Variants in PTPRD observed in about 807,000 individuals in gnomAD.
The protein encoded by PTPRD is receptor-type tyrosine-protein phosphatase delta.
A neutral mutation model predicts 214.5 loss-of-function variants in PTPRD; 34 were observed. The ratio of observed to expected loss-of-function variants is 0.16; its 90% CI spans 0.12 to 0.21. The LOEUF (loss-of-function observed/expected upper bound fraction) is 0.21, where lower values mean the gene tolerates loss of function less well. Ranked by LOEUF, PTPRD falls within the 10% of genes least tolerant of loss-of-function variation. The pLI, the probability that PTPRD is intolerant of heterozygous loss-of-function variation, is 1.00. For synonymous variants in PTPRD, 1,128 were observed against 845.7 expected, an observed-to-expected ratio of 1.33 and a Z score of -5.79; for missense variants, 2,545 against 2,398.7, an observed-to-expected ratio of 1.06 and a Z score of -1.27.
chr9:9,935,685 C>G (rs1437359834), intron 5 of PTPRD, among the ~76,000 whole-genome samples: 2 of 147,706 alleles, frequency 1.4e-5, no homozygotes, highest in Non-Finnish European at 2.9e-5. Context: ...CCATCCCCAT[C>G]AAGCTACCAA....
chr9:9,437,720 A>T (rs1479296457), intron 8 of PTPRD, among the ~76,000 whole-genome samples: 1 of 152,142 alleles, frequency 6.6e-6, no homozygotes, highest in Non-Finnish European at 1.5e-5. Flanking sequence ...ATGGTGGTAT[A>T]TCTAGAGCAG....
intron 35 of PTPRD, among the ~76,000 whole-genome samples, chr9:8,414,194 T>C (rs2093727325): frequency 6.6e-6 from 1 of 151,220 alleles, no homozygotes; most frequent in Non-Finnish European, 1.5e-5. Flanking sequence ...AGACCAGAGA[T>C]ATAAAAAAAA....
intron 3 of PTPRD, among the ~76,000 whole-genome samples, chr9:10,190,313 T>C (rs1438977668): frequency 2.1e-5 from 3 of 141,314 alleles, no homozygotes; most frequent in Non-Finnish European, 4.5e-5. Flanking sequence ...TGCAGTGAAT[T>C]GAGATCCAAG....
At chr9:9,251,744 A>G (rs1239130016) in intron 9 of PTPRD, among the ~76,000 whole-genome samples, 1 of 152,122 alleles carries the variant, frequency 6.6e-6, no homozygotes, top group Non-Finnish European at 1.5e-5. Flanking sequence ...CATTTGAAAG[A>G]AGCCAAAAGT....
In PTPRD at chr9:9,058,442, G is replaced by GTTTTTTTTTTTTTTTTTTTTTTTTTTT. The variant is rs777910266; in HGVS notation, c.-142-39708_-142-39707insAAAAAAAAAAAAAAAAAAAAAAAAAAA. Among the ~76,000 whole-genome samples the GTTTTTTTTTTTTTTTTTTTTTTTTTTT allele has an allele frequency of 5.7e-5, 4 of 69,900 alleles. 1 individual carries two copies. Among genetic ancestry groups the GTTTTTTTTTTTTTTTTTTTTTTTTTTT allele is most frequent in the Non-Finnish European group, 1.1e-4 (4 of 38,078 alleles). The allele number at this position is 69,900 out of a possible 152,430, so 45.9% of individuals were successfully genotyped here. On this transcript the variant is annotated intron_variant, in intron 10 of 45. Transcript: ENST00000381196. ...TATTGGTGAGAGAAATATTATGAGG[G>GTTTTTTTTTTTTTTTTTTTTTTTTTTT]TTTTTTTTTTTTTTTTTTTTTTTTT...
intron 11 of PTPRD, among the ~76,000 whole-genome samples, chr9:8,771,204 T>C (rs7023805): frequency 1.3e-5 from 2 of 150,784 alleles, no homozygotes; most frequent in Admixed American, 6.6e-5. Flanking sequence ...ATAGTAGTCT[T>C]TATTCTTTAT....
chr9:8,353,951 TATATATATATATG>T (rs1163006603), intron 39 of PTPRD, among the ~76,000 whole-genome samples: 1 of 117,682 alleles, frequency 8.5e-6, no homozygotes, highest in Non-Finnish European at 1.9e-5. Flanking sequence ...TATATATATA[TATATATATATATG>T]TTTTTTTTTT....
chr9:9,775,636 G>A (rs2098791486), intron 5 of PTPRD, among the ~76,000 whole-genome samples: 1 of 151,980 alleles, frequency 6.6e-6, no homozygotes, highest in Non-Finnish European at 1.5e-5. Flanking sequence ...TTCTATTATA[G>A]GGAGATTACT....
At chr9:9,316,758 C>T (rs940840651) in intron 9 of PTPRD, among the ~76,000 whole-genome samples, 4 of 152,098 alleles carry the variant, frequency 2.6e-5, no homozygotes, top group Admixed American at 6.6e-5. Flanking sequence ...ATTAAAATAA[C>T]ACAATCAGAT....
At chr9:8,462,945 T>C (rs187824541) in intron 32 of PTPRD, among the ~76,000 whole-genome samples, 6 of 152,042 alleles carry the variant, frequency 3.9e-5, no homozygotes, top group African/African-American at 1.4e-4. Flanking sequence ...GCAATGAACC[T>C]TGTACTTAGT....
intron 3 of PTPRD, among the ~76,000 whole-genome samples, chr9:10,116,050 C>T (rs1368627084): frequency 6.6e-6 from 1 of 151,974 alleles, no homozygotes; most frequent in Non-Finnish European, 1.5e-5. Flanking sequence ...ACAAAATCTG[C>T]CTGTCTTCAT....
At chr9:9,108,845 G>A (rs913836869) in intron 10 of PTPRD, among the ~76,000 whole-genome samples, 5 of 152,138 alleles carry the variant, frequency 3.3e-5, no homozygotes, top group African/African-American at 9.7e-5. Context: ...CAGTCTGGTC[G>A]GGGGAGCAAT....
intron 8 of PTPRD, among the ~76,000 whole-genome samples, chr9:9,477,721 C>T (rs565605318): frequency 8.5e-5 from 13 of 152,050 alleles, no homozygotes; most frequent in Non-Finnish European, 1.9e-4. Flanking sequence ...TTGGTTTGGT[C>T]ACTTATTACA....
At chr9:10,592,294 T>A (rs1219345280) in intron 2 of PTPRD, among the ~76,000 whole-genome samples, 1 of 151,952 alleles carries the variant, frequency 6.6e-6, no homozygotes, top group African/African-American at 2.4e-5. Context: ...GTAGACTAAA[T>A]CTCACCAAAT....
At chr9:9,407,098 C>T (rs917767400) in intron 8 of PTPRD, among the ~76,000 whole-genome samples, 2 of 151,732 alleles carry the variant, frequency 1.3e-5, no homozygotes. Context: ...ATAGGCTTAC[C>T]ACCACCATTT....
At chr9:8,682,389 A>G (rs72700347) in intron 12 of PTPRD, among the ~76,000 whole-genome samples, 283 of 146,442 alleles carry the variant, frequency 1.9e-3, no homozygotes, top group Middle Eastern at 3.5e-3. Context: ...CCTTTCAAAG[A>G]AAACATAAAT....
intron 7 of PTPRD, among the ~76,000 whole-genome samples, chr9:9,641,917 C>T (rs111696204): frequency 0.02 from 2,991 of 152,130 alleles, 96 homozygotes; most frequent in African/African-American, 0.069. Context: ...CAGACCTTAG[C>T]TATAGATTAA....
At chr9:10,512,596 T>A (rs2048675136) in intron 2 of PTPRD, among the ~76,000 whole-genome samples, 2 of 152,136 alleles carry the variant, frequency 1.3e-5, no homozygotes, top group Admixed American at 1.3e-4. Flanking sequence ...CACAAGTACC[T>A]TCATTTCTCA....
At chr9:10,501,197 C>A (rs1039036119) in intron 2 of PTPRD, among the ~76,000 whole-genome samples, 1 of 151,944 alleles carries the variant, frequency 6.6e-6, no homozygotes, top group African/African-American at 2.4e-5. Context: ...TCCTCATTGG[C>A]ATTCACTGGT....
Sources: allele counts gnomAD v4.1 joint callset (sites outside exome capture counted in the v4.1 genomes callset), GRCh38; gene constraint gnomAD v4.1.1; transcripts MANE v1.5; gene names NCBI Gene and HGNC (gene_info 2026-07-23, HGNC 2026-07-21).